The following LRRTM4 variants were observed in gnomAD, a reference collection of about 807,000 sequenced individuals.
LRRTM4 encodes leucine rich repeat transmembrane neuronal 4, also known as leucine-rich repeat transmembrane neuronal protein 4.
In LRRTM4, 25 loss-of-function variants were observed where a neutral mutation model predicts 47.6. The observed-to-expected ratio is 0.53, with a 90% CI of 0.38 to 0.73. The LOEUF is 0.73. Ranked by LOEUF, LRRTM4 falls within the 30% of genes least tolerant of loss-of-function variation. LRRTM4 has a pLI of 0.00. For synonymous variants in LRRTM4, 311 were observed against 269.5 expected (o/e 1.15, Z -1.51); for missense variants, 638 against 713.4 (o/e 0.89, Z 1.20).
At chr2:77,092,572 G>A (rs1670682420) in intron 3 of LRRTM4, among the ~76,000 whole-genome samples, 2 of 126,510 alleles carry the variant, frequency 1.6e-5, no homozygotes, top group East Asian at 6.7e-4. Flanking sequence ...CAAGCTCGAG[G>A]ATTTGCCCCC....
chr2:76,991,115 A>G (rs545015147), intron 3 of LRRTM4, among the ~76,000 whole-genome samples: 2 of 151,708 alleles, frequency 1.3e-5, no homozygotes, highest in African/African-American at 4.8e-5. Context: ...AGAGACAAAC[A>G]TACCAAAATC....
chr2:77,117,723 A>G (rs1257944667), intron 3 of LRRTM4, among the ~76,000 whole-genome samples: 1 of 152,010 alleles, frequency 6.6e-6, no homozygotes, highest in Non-Finnish European at 1.5e-5. Flanking sequence ...AATTGTATAC[A>G]CACAAATATA....
chr2:76,887,456 T>C (rs939636855), intron 3 of LRRTM4, among the ~76,000 whole-genome samples: 6 of 151,200 alleles, frequency 4.0e-5, no homozygotes, highest in Admixed American at 6.6e-5. Flanking sequence ...CAGCAATAGA[T>C]TGACAAAACT....
At chr2:77,310,089 C>A (rs1223315135) in intron 3 of LRRTM4, among the ~76,000 whole-genome samples, 1 of 152,014 alleles carries the variant, frequency 6.6e-6, no homozygotes, top group Non-Finnish European at 1.5e-5. Context: ...GTATACTTGA[C>A]ACTAAGATAT....
chr2:76,832,308 A>G (rs1484535417), intron 3 of LRRTM4, among the ~76,000 whole-genome samples: 2 of 152,080 alleles, frequency 1.3e-5, no homozygotes, highest in African/African-American at 4.8e-5. Context: ...TGCCTTTCAC[A>G]TGTATTCAGA....
In LRRTM4 at chr2:77,464,011, T is replaced by C. The variant is rs146708043; in HGVS notation, c.1551+54307A>G. ...AATACTACAGGTACATGGTGAATGA[T>C]TCTTAGAGAAGGTGAATGAGTCTTA... On this transcript the variant is annotated intron_variant, in intron 3 of 3. Coordinates refer to ENST00000409884, the MANE Select transcript of LRRTM4 (RefSeq NM_001134745.3). 1.9e-4 allele frequency among the ~76,000 whole-genome samples: 29 copies of C among 152,242 alleles called. 1 individual carries two copies. In the East Asian group the frequency reaches 5.6e-3, roughly 29 times the overall value.
intron 3 of LRRTM4, among the ~76,000 whole-genome samples, chr2:76,889,153 A>ATTTTGCAC (rs1673172908): frequency 6.6e-6 from 1 of 151,858 alleles, no homozygotes; most frequent in Non-Finnish European, 1.5e-5. Context: ...AAAAGATTTG[A>ATTTTGCAC]TTTTGCACTT....
In LRRTM4 at chr2:77,064,004, G is replaced by A. The variant is rs188359733; in HGVS notation, c.1552-315088C>T. On this transcript the variant is annotated intron_variant, in intron 3 of 3. Transcript: ENST00000409884. The stretch of plus-strand genomic sequence containing the variant: ...AAAAGACATTAAGTTTACTGTTAGT[G>A]TGTGCACGTGTCTATATACTTACAG... Among the ~76,000 whole-genome samples the A allele has an allele frequency of 2.6e-5, 4 of 152,230 alleles. No homozygotes were observed. The East Asian group carries it at 5.8e-4, about 22-fold the overall frequency.
chr2:76,937,106 T>A (rs1553433606), intron 3 of LRRTM4, among the ~76,000 whole-genome samples: 1 of 151,102 alleles, frequency 6.6e-6, no homozygotes, highest in African/African-American at 2.4e-5. Flanking sequence ...TATACAGAGA[T>A]AGAAAAAACT....
intron 3 of LRRTM4, among the ~76,000 whole-genome samples, chr2:77,141,690 T>A (rs940020373): frequency 1.3e-5 from 2 of 152,204 alleles, no homozygotes; most frequent in Non-Finnish European, 2.9e-5. Context: ...ACTCCTAAGT[T>A]TTTATTTTCT....
intron 3 of LRRTM4, among the ~76,000 whole-genome samples, chr2:77,148,793 A>G (rs144584566): frequency 4.3e-4 from 66 of 152,264 alleles, no homozygotes; most frequent in African/African-American, 1.5e-3. Flanking sequence ...GTGTGTATTT[A>G]TAATTCAATG....
chr2:77,487,180 C>T (rs1677950273), intron 3 of LRRTM4, among the ~76,000 whole-genome samples: 1 of 152,218 alleles, frequency 6.6e-6, no homozygotes, highest in Admixed American at 6.5e-5. Flanking sequence ...GGGAGCCCCG[C>T]CCCCTTCTGA....
At chr2:77,040,025 A>G (rs1216306704) in intron 3 of LRRTM4, among the ~76,000 whole-genome samples, 1 of 151,222 alleles carries the variant, frequency 6.6e-6, no homozygotes, top group East Asian at 1.9e-4. Context: ...TATTGGCTAA[A>G]TCAAATTATC....
chr2:77,304,228 G>T (rs1414654070), intron 3 of LRRTM4, among the ~76,000 whole-genome samples: 1 of 152,086 alleles, frequency 6.6e-6, no homozygotes, highest in African/African-American at 2.4e-5. Context: ...TCATATACAT[G>T]TTGGCCATTT....
chr2:77,246,585 C>T (rs1675452761), intron 3 of LRRTM4, among the ~76,000 whole-genome samples: 1 of 152,064 alleles, frequency 6.6e-6, no homozygotes, highest in African/African-American at 2.4e-5. Context: ...AGATACAGAA[C>T]ATTTGCATCA....
intron 3 of LRRTM4, among the ~76,000 whole-genome samples, chr2:77,219,297 A>G (rs1199068432): frequency 3.3e-5 from 5 of 152,178 alleles, no homozygotes; most frequent in African/African-American, 1.2e-4. Flanking sequence ...TTATGTTTGC[A>G]TCTACTTTGC....
At chr2:77,193,122 G>T (rs181778479) in intron 3 of LRRTM4, among the ~76,000 whole-genome samples, 114 of 152,236 alleles carry the variant, frequency 7.5e-4, no homozygotes, top group African/African-American at 2.6e-3. Flanking sequence ...GCTTGGATAC[G>T]CAAGTACTTA....
intron 3 of LRRTM4, among the ~76,000 whole-genome samples, chr2:76,865,284 G>T (rs1264614919): frequency 1.3e-5 from 2 of 152,010 alleles, no homozygotes; most frequent in Non-Finnish European, 2.9e-5. Context: ...ATATTTATGG[G>T]TGACTAACAA....
Position 76,748,869 on chromosome 2 carries a change from A to C in LRRTM4, c.1599T>G (p.Pro533=), listed in dbSNP as rs781665952. The C allele has an allele frequency of 3.1e-6, 5 of 1,614,006 alleles. No individual in the cohort carries two copies. The South Asian group carries it at 3.3e-5, about 11-fold the overall frequency. The part of the protein sequence containing the change: ...KPLPYYSYDQ[P]VIGYCQAHQP... ...GGTGGGCCTGGCAGTACCCGATCACAGGCTGGTCATAGCTGTAATATGGCA... is the reference window on the plus strand; with the variant it reads ...GGTGGGCCTGGCAGTACCCGATCACCGGCTGGTCATAGCTGTAATATGGCA... The change falls in exon 4 of 4, where the codon CCT becomes CCG. Residue 533 remains proline, a synonymous_variant. Transcript: ENST00000409884.
Sources: allele counts gnomAD v4.1 joint callset (sites outside exome capture counted in the v4.1 genomes callset), GRCh38; gene constraint gnomAD v4.1.1; transcripts MANE v1.5; gene names NCBI Gene and HGNC (gene_info 2026-07-23, HGNC 2026-07-21).